The following EFL1 variants were observed in gnomAD, a reference collection of about 807,000 sequenced individuals.
EFL1 encodes the protein elongation factor-like GTPase 1.
Under a neutral mutation model 126.7 loss-of-function variants are expected in EFL1, and 76 were observed. The ratio of observed to expected loss-of-function variants is 0.60; its 90% CI spans 0.50 to 0.73. EFL1 has a LOEUF of 0.73. Ranked by LOEUF, EFL1 falls within the 30% of genes least tolerant of loss-of-function variation. The pLI is 0.00. For synonymous variants in EFL1, 410 were observed against 448.4 expected (o/e 0.91, Z 1.08); for missense variants, 1,128 against 1,343.2 (o/e 0.84, Z 2.50).
chr15:82,220,412 G>A (rs1032582802), intron 12 of EFL1, among the ~76,000 whole-genome samples, 183 bp from the exon 13 acceptor site: 10 of 152,162 alleles, frequency 6.6e-5, no homozygotes, highest in Non-Finnish European at 1.5e-4. Context: ...ATAATGCTGT[G>A]TCCCAACTAT....
Position 82,151,875 on chromosome 15 carries a change from C to T in EFL1, c.2579G>A (p.Ser860Asn). ...GCTATTGCCCAAATCTCGGTATCTA[C>T]TGGCTTCTTTTGAAGCTTTGTCAGC... The part of the protein sequence containing the change: ...GPADKASKEA[S>N]RYRDLGNSIV... Residue 860 changes from serine to asparagine, a missense_variant, in exon 18 of 20, where the codon AGT becomes AAT. This residue lies in a region of EFL1 where 561 missense variants were observed against 641.7 expected (regional missense o/e 0.87). Coordinates refer to ENST00000268206, the MANE Select transcript of EFL1 (RefSeq NM_024580.6). The T allele has an allele frequency of 4.3e-6, 7 of 1,614,142 alleles. No individual in the cohort carries two copies. The highest frequency in any genetic ancestry group is 1.1e-5 in the South Asian group (1 of 91,074).
chr15:82,226,570 T>C (rs552711268), intron 11 of EFL1, among the ~76,000 whole-genome samples: 137 of 152,222 alleles, frequency 9.0e-4, no homozygotes, highest in African/African-American at 3.1e-3. Context: ...TGAGCAGGCT[T>C]GGGGATAAGA....
rs564205305 is a variant in EFL1 at position 82,163,532 on chromosome 15, C to T, written c.1882+321G>A. On this transcript the variant is annotated intron_variant, in intron 16 of 19. Coordinates refer to ENST00000268206, the MANE Select transcript of EFL1 (RefSeq NM_024580.6). ...GCCTGCGCAACAGAGTGAGACTCCG[C>T]CTCAAAAAAATAAATAAATAGATAA... Among the ~76,000 whole-genome samples, 344 of 152,022 alleles carry T rather than the reference C, an allele frequency of 2.3e-3. 1 individual carries two copies. Among genetic ancestry groups the T allele is most frequent in the African/African-American group, 8.0e-3 (334 of 41,492 alleles).
At chr15:82,179,610 C>T (rs1174994763) in intron 15 of EFL1, among the ~76,000 whole-genome samples, 1 of 151,998 alleles carries the variant, frequency 6.6e-6, no homozygotes, top group Non-Finnish European at 1.5e-5. Context: ...GATAAGAAGG[C>T]TATATTTTCT....
intron 16 of EFL1, among the ~76,000 whole-genome samples, chr15:82,158,287 C>T (rs2073988299): frequency 6.6e-6 from 1 of 152,202 alleles, no homozygotes; most frequent in Non-Finnish European, 1.5e-5. Flanking sequence ...TGTACCAGAG[C>T]CTCATATTAA....
intron 15 of EFL1, among the ~76,000 whole-genome samples, chr15:82,198,786 A>G (rs561198188): frequency 1.3e-5 from 2 of 152,338 alleles, no homozygotes; most frequent in African/African-American, 4.8e-5. Flanking sequence ...CAGAGGTCCC[A>G]CTGGTAAAAT....
chr15:82,257,334 C>T (rs2075075195), intron 3 of EFL1, among the ~76,000 whole-genome samples: 1 of 152,074 alleles, frequency 6.6e-6, no homozygotes, highest in Non-Finnish European at 1.5e-5. Flanking sequence ...CCTCTCTTTT[C>T]TTCTTGATCA....
intron 7 of EFL1, among the ~76,000 whole-genome samples, chr15:82,234,315 GAA>G (rs1233319450): frequency 1.3e-5 from 2 of 152,138 alleles, no homozygotes; most frequent in Non-Finnish European, 2.9e-5. Flanking sequence ...TGAATCTAAA[GAA>G]AGTCTTGAAA....
chr15:82,201,051 T>G (rs1001841900), intron 15 of EFL1, among the ~76,000 whole-genome samples: 33 of 152,352 alleles, frequency 2.2e-4, no homozygotes, highest in Admixed American at 1.6e-3. Flanking sequence ...TATTTTTCTA[T>G]TGTTTGTAGA....
chr15:82,248,162 C>G (rs557021531), intron 4 of EFL1, among the ~76,000 whole-genome samples: 1 of 152,224 alleles, frequency 6.6e-6, no homozygotes, highest in African/African-American at 2.4e-5. Context: ...ATATGAGACA[C>G]CTAGCTCAGA....
intron 3 of EFL1, among the ~76,000 whole-genome samples, chr15:82,254,930 A>T (rs959748089): frequency 3.9e-5 from 6 of 152,154 alleles, no homozygotes; most frequent in Middle Eastern, 3.2e-3. Context: ...AGAGAATGAG[A>T]TGTAGACCTT....
chr15:82,147,405 G>C (rs535695166), intron 18 of EFL1, among the ~76,000 whole-genome samples: 1 of 151,974 alleles, frequency 6.6e-6, no homozygotes, highest in Non-Finnish European at 1.5e-5. Context: ...CGAGGCGGGC[G>C]GATCACTTGA....
At chr15:82,175,697 T>C (rs2074188012) in intron 15 of EFL1, among the ~76,000 whole-genome samples, 1 of 151,998 alleles carries the variant, frequency 6.6e-6, no homozygotes, top group African/African-American at 2.4e-5. Context: ...CTACTAAAAA[T>C]ACAAAAATTA....
intron 4 of EFL1, among the ~76,000 whole-genome samples, chr15:82,251,561 G>A (rs959246965): frequency 2.6e-5 from 4 of 152,040 alleles, no homozygotes; most frequent in African/African-American, 7.2e-5. Flanking sequence ...TCTATAAAAC[G>A]AGATAAGAAA....
Position 82,151,714 on chromosome 15 carries a change from C to T in EFL1, c.2740G>A (p.Gly914Arg), listed in dbSNP as rs753996758. 6.2e-7 allele frequency: 1 copy of T among 1,614,096 alleles called. No individual in the cohort carries two copies. Among genetic ancestry groups the T allele is most frequent in the South Asian group, 1.1e-5 (1 of 91,076 alleles). ...GAACAGGTTTCATTTTCCTCCTGTC[C>T]CTCTTTTGCCAGATCACTTGCTCCT... ...EQGASDLAKE[G>R]QEENETCSGG... Residue 914 changes from glycine (G) to arginine (R), a missense_variant, in exon 18 of 20, where the codon GGA becomes AGA. By Grantham distance (125) the Gly-to-Arg change is moderately radical (BLOSUM62 -2). Transcript: ENST00000268206.
intron 11 of EFL1, 67 bp from the exon 12 acceptor site, chr15:82,225,331 T>C: frequency 8.2e-7 from 1 of 1,212,616 alleles, no homozygotes; most frequent in Non-Finnish European, 1.1e-6. Flanking sequence ...CAGATTTTTC[T>C]GGAAAACAAT....
chr15:82,227,368 C>T (rs570086022), intron 11 of EFL1, 82 bp downstream of exon 11: 5 of 1,600,310 alleles, frequency 3.1e-6, no homozygotes, highest in South Asian at 2.2e-5. Flanking sequence ...AGCAAACTAG[C>T]GTTCAGCAAA....
At chr15:82,175,618 A>G (rs1196950153) in intron 15 of EFL1, among the ~76,000 whole-genome samples, 1 of 152,100 alleles carries the variant, frequency 6.6e-6, no homozygotes, top group Admixed American at 6.6e-5. Flanking sequence ...TGGCTCACGC[A>G]TGTAATCCCA....
intron 18 of EFL1, among the ~76,000 whole-genome samples, chr15:82,150,377 C>T (rs1002018007): frequency 1.8e-4 from 28 of 152,154 alleles, no homozygotes; most frequent in African/African-American, 6.0e-4. Context: ...ATAATTTGGC[C>T]GATTCTCTCA....
Sources: allele counts gnomAD v4.1 joint callset (sites outside exome capture counted in the v4.1 genomes callset), GRCh38; gene constraint gnomAD v4.1.1; regional missense constraint gnomAD v4.1.1; transcripts MANE v1.5; gene names NCBI Gene and HGNC (gene_info 2026-07-23, HGNC 2026-07-21).